The following AR variants were observed in gnomAD, a reference collection of about 807,000 sequenced individuals.
AR encodes the protein androgen receptor, also known as dihydrotestosterone receptor.
A neutral mutation model predicts 53.9 loss-of-function variants in AR; 8 were observed. That is an observed-to-expected ratio of 0.15 (90% confidence interval 0.09 to 0.27). The LOEUF (loss-of-function observed/expected upper bound fraction) is 0.27, where lower values mean the gene tolerates loss of function less well. Ranked by LOEUF, AR falls within the 10% of genes least tolerant of loss-of-function variation. The pLI, the probability that AR is intolerant of heterozygous loss-of-function variation, is 1.00. For synonymous variants in AR, 359 were observed against 316.4 expected (o/e 1.13, Z -1.43); for missense variants, 639 against 742.5 (o/e 0.86, Z 1.62).
chrX:67,700,352 G>C (rs2076037361), intron 3 of AR, among the ~76,000 whole-genome samples: 1 of 111,394 alleles, frequency 9.0e-6, no homozygotes, highest in Admixed American at 9.6e-5. Flanking sequence ...AGGGCAGGAG[G>C]GGCATAAGGA....
rs2076158633 is a variant in AR at position 67,726,625 on chromosome X, T to C, written c.*2784T>C. 5.7e-6 allele frequency: 1 copy of C among 174,513 alleles called. No homozygotes were observed. The highest frequency in any genetic ancestry group is 8.1e-5 in the East Asian group (1 of 12,375). The allele number at this position is 174,513 out of a possible 1,213,427, so 14.4% of individuals were successfully genotyped here. ...ACTCCAAATTTCCAAATGACAAAAC[T>C]AGGGAAAAATAGCCTACACAAGCCT... On this transcript the variant is annotated 3_prime_UTR_variant, in exon 8 of 8. Coordinates refer to ENST00000374690, the MANE Select transcript of AR (RefSeq NM_000044.6).
chrX:67,634,641 C>T lies in AR; in HGVS notation c.1617-8615C>T, dbSNP rs749264144. Among the ~76,000 whole-genome samples the T allele has an allele frequency of 1.4e-4, 16 of 111,378 alleles. No individual in the cohort carries two copies. The South Asian group carries it at 4.6e-3, about 32-fold the overall frequency. On this transcript the variant is annotated intron_variant, in intron 1 of 7. Coordinates refer to ENST00000374690, the MANE Select transcript of AR (RefSeq NM_000044.6). ...TTTTAATAGTAAACATTGCTGCCCT[C>T]GTGAATGAACACACACTAAATTTCA...
intron 7 of AR, 25 bp downstream of exon 7, chrX:67,723,009 T>A (rs1257103945): frequency 8.3e-7 from 1 of 1,206,917 alleles, no homozygotes; most frequent in African/African-American, 1.8e-5. Flanking sequence ...GAGGGTGCTT[T>A]ATCAGGGAGA....
intron 3 of AR, chrX:67,694,862 TCTCTTGATTGCTGACTCC>T (rs2076012545): frequency 1.9e-6 from 2 of 1,074,235 alleles, no homozygotes; most frequent in African/African-American, 3.8e-5. Flanking sequence ...TGGGGGCTAC[TCTCTTGATTGCTGACTCC>T]CTCCAGCGGG....
At chrX:67,696,615 TTGGGGC>T (rs2076021771) in intron 3 of AR, among the ~76,000 whole-genome samples, 1 of 112,023 alleles carries the variant, frequency 8.9e-6, no homozygotes, top group Non-Finnish European at 1.9e-5. Flanking sequence ...TGACCCAGAA[TTGGGGC>T]TGGGAGGGGA....
At chrX:67,703,467 T>G (rs2147515356) in intron 3 of AR, among the ~76,000 whole-genome samples, 1 of 111,704 alleles carries the variant, frequency 9.0e-6, no homozygotes, top group South Asian at 3.8e-4. Context: ...TAAATAATGT[T>G]ATTTCTATCA....
At chrX:67,561,548 T>C (rs1921305144) in intron 1 of AR, among the ~76,000 whole-genome samples, 1 of 112,301 alleles carries the variant, frequency 8.9e-6, no homozygotes, top group Admixed American at 9.4e-5. Context: ...TAAATACAAA[T>C]ATGACACCAT....
chrX:67,722,574 G>A (rs1390044538), intron 6 of AR, among the ~76,000 whole-genome samples: 1 of 111,871 alleles, frequency 8.9e-6, no homozygotes, highest in Non-Finnish European at 1.9e-5. Context: ...TATCTGAGAA[G>A]AGTAGAAAAA....
intron 2 of AR, among the ~76,000 whole-genome samples, chrX:67,673,625 C>T (rs930746186): frequency 3.6e-5 from 4 of 110,144 alleles, no homozygotes; most frequent in Non-Finnish European, 5.7e-5. Flanking sequence ...AGAATGTCTG[C>T]TTATTTTTTT....
rs1468310714 is a variant in AR at position 67,728,574 on chromosome X, A to AAC, written c.*4734_*4735insCA. On this transcript the variant is annotated 3_prime_UTR_variant, in exon 8 of 8. Transcript: ENST00000374690. ...ATTTGTATCCATGTTTCAAAATTGA[A>AAC]ATATATATATATATATATATATATA... is the stretch of plus-strand genomic sequence containing the variant. The AAC allele has an allele frequency of 3.4e-5, 1 of 29,775 alleles. No individual in the cohort carries two copies. Among genetic ancestry groups the AAC allele is most frequent in the Non-Finnish European group, 5.6e-5 (1 of 17,829 alleles). 2.5% of individuals were successfully genotyped at this position (29,775 alleles called of 1,213,427 possible). A position where few individuals can be genotyped will look rare whatever the true frequency, so the allele number is the denominator to read the frequency against.
At chrX:67,567,025 T>G (rs909454661) in intron 1 of AR, among the ~76,000 whole-genome samples, 1 of 111,270 alleles carries the variant, frequency 9.0e-6, no homozygotes, top group Non-Finnish European at 1.9e-5. Flanking sequence ...TTGTTCAGTT[T>G]TTTGTTTGTT....
Position 67,546,227 on chromosome X carries a change from A to C in AR, c.1081A>C (p.Ser361Arg). ...ACTGGACGAGGCAGCTGCGTACCAG[A>C]GTCGCGACTACTACAACTTTCCACT... Reference protein sequence around the residue: ...GALDEAAAYQSRDYYNFPLAL... With the variant: ...GALDEAAAYQRRDYYNFPLAL... Residue 361 changes from serine to arginine, a missense_variant, in exon 1 of 8, where the codon AGT (serine) becomes CGT (arginine). Coordinates refer to ENST00000374690, the MANE Select transcript of AR (RefSeq NM_000044.6). 8.3e-7 allele frequency: 1 copy of C among 1,211,218 alleles called. No homozygotes were observed. Among genetic ancestry groups the C allele is most frequent in the Non-Finnish European group, 1.1e-6 (1 of 895,295 alleles).
At chrX:67,589,572 A>G (rs775476081) in intron 1 of AR, among the ~76,000 whole-genome samples, 6 of 111,841 alleles carry the variant, frequency 5.4e-5, no homozygotes, top group African/African-American at 1.6e-4. Flanking sequence ...CCATGGAGAA[A>G]GTTTGTCATT....
intron 1 of AR, among the ~76,000 whole-genome samples, chrX:67,581,170 T>A (rs1922279515): frequency 9.0e-6 from 1 of 111,222 alleles, no homozygotes; most frequent in Non-Finnish European, 1.9e-5. Flanking sequence ...TCCCCTCCTC[T>A]CCTTACTCCT....
chrX:67,728,962 T>G lies in AR; in HGVS notation c.*5121T>G. ...ACTTGGGGCCAAAAGCCTACCCAAG[T>G]GATTGACCAGTGGCCCCCTAATGGG... On this transcript the variant is annotated 3_prime_UTR_variant, in exon 8 of 8. Coordinates refer to ENST00000374690, the MANE Select transcript of AR (RefSeq NM_000044.6). 1 of 174,027 alleles carries G rather than the reference T, an allele frequency of 5.7e-6. No homozygotes were observed. Among genetic ancestry groups the G allele is most frequent in the East Asian group, 8.2e-5 (1 of 12,234 alleles). 14.3% of individuals were successfully genotyped at this position (174,027 alleles called of 1,213,427 possible).
At chrX:67,570,630 T>C (rs1921774156) in intron 1 of AR, among the ~76,000 whole-genome samples, 1 of 111,023 alleles carries the variant, frequency 9.0e-6, no homozygotes, top group African/African-American at 3.3e-5. Flanking sequence ...ACTCAGCATA[T>C]TGATGGTGGA....
rs751758551 is a variant in AR at position 67,546,681 on chromosome X, T to C, written c.1535T>C (p.Val512Ala). ...VWYPGGMVSR[V>A]PYPSPTCVKS... ...TACCCTGGCGGCATGGTGAGCAGAG[T>C]GCCCTATCCCAGTCCCACTTGTGTC... Residue 512 changes from valine (V) to alanine (A), a missense_variant, in exon 1 of 8, where the codon GTG becomes GCG. Val to Ala is a moderately conservative substitution (Grantham distance 64, BLOSUM62 0). Around this residue, in one of 5 missense-constraint regions of AR, gnomAD observed 423 missense variants for 377.0 expected, o/e 1.12. Coordinates refer to ENST00000374690, the MANE Select transcript of AR (RefSeq NM_000044.6). The C allele has an allele frequency of 6.6e-6, 8 of 1,205,568 alleles. No homozygotes were observed. In the South Asian group the frequency reaches 1.4e-4, roughly 22 times the overall value.
intron 1 of AR, among the ~76,000 whole-genome samples, chrX:67,560,308 A>C (rs997413629): frequency 2.7e-5 from 3 of 111,354 alleles, no homozygotes; most frequent in African/African-American, 9.8e-5. Flanking sequence ...TCAGATTCTT[A>C]ACACCTCTTT....
intron 2 of AR, among the ~76,000 whole-genome samples, chrX:67,646,815 T>C (rs2079997911): frequency 9.0e-6 from 1 of 111,064 alleles, no homozygotes; most frequent in Non-Finnish European, 1.9e-5. Context: ...ATCATCATCA[T>C]TTCAGCAAAC....
Sources: gnomAD v4.1 joint callset for allele counts (sites outside exome capture counted in the v4.1 genomes callset) on GRCh38, gnomAD v4.1.1 for gene constraint, gnomAD v4.1.1 regional missense constraint, MANE v1.5 for transcripts, NCBI Gene and HGNC (gene_info 2026-07-23, HGNC 2026-07-21) for gene names.